CDK14: variants seen among roughly 807,000 people sequenced by gnomAD.
The protein encoded by CDK14 is cyclin dependent kinase 14.
In CDK14, 34 loss-of-function variants were observed where a neutral mutation model predicts 60.7. That is an observed-to-expected ratio of 0.56 (90% CI 0.43 to 0.75). The LOEUF is 0.75. Among genes scored for constraint, CDK14 ranks in the 30% least tolerant of loss-of-function variants. CDK14 has a pLI of 0.00. For synonymous variants in CDK14, 197 were observed against 203.7 expected (o/e 0.97, Z 0.28); for missense variants, 482 against 564.1 (o/e 0.85, Z 1.47).
intron 14 of CDK14, among the ~76,000 whole-genome samples, chr7:91,160,465 T>G (rs1369260522): frequency 6.6e-6 from 1 of 152,146 alleles, no homozygotes; most frequent in Non-Finnish European, 1.5e-5. Flanking sequence ...AATCACCATC[T>G]GGATAATATA....
chr7:90,606,485 G>A (rs10245350), intron 2 of CDK14, among the ~76,000 whole-genome samples: 144,062 of 152,208 alleles, frequency 0.95, 68,213 homozygotes, highest in East Asian at 1. Context: ...CATCATCATC[G>A]TCATTGATGC....
chr7:90,757,287 CAGGACATG>C (rs1368056392), intron 4 of CDK14, among the ~76,000 whole-genome samples: 15 of 146,228 alleles, frequency 1.0e-4, no homozygotes, highest in Non-Finnish European at 1.5e-5. Context: ...CCCTTTCTGT[CAGGACATG>C]AGTTATATTT....
At chr7:90,641,569 A>C (rs1220136288) in intron 2 of CDK14, among the ~76,000 whole-genome samples, 2 of 152,026 alleles carry the variant, frequency 1.3e-5, no homozygotes, top group Non-Finnish European at 2.9e-5. Context: ...TGTCCAAAAT[A>C]GGTAAATCTA....
intron 14 of CDK14, among the ~76,000 whole-genome samples, chr7:91,170,392 G>A (rs747660375): frequency 2.6e-5 from 4 of 152,168 alleles, no homozygotes; most frequent in Non-Finnish European, 5.9e-5. Flanking sequence ...TCCACCAAGT[G>A]TGTCCGAATC....
intron 14 of CDK14, among the ~76,000 whole-genome samples, chr7:91,142,316 T>C (rs1800493717): frequency 6.6e-6 from 1 of 152,212 alleles, no homozygotes; most frequent in Non-Finnish European, 1.5e-5. Flanking sequence ...TAGCAAAGGC[T>C]GTGACCTGAA....
chr7:90,833,159 A>T (rs1789969778), intron 5 of CDK14, among the ~76,000 whole-genome samples: 1 of 152,170 alleles, frequency 6.6e-6, no homozygotes, highest in South Asian at 2.1e-4. Flanking sequence ...TTTAAATCTC[A>T]TTCATGTTCT....
intron 6 of CDK14, among the ~76,000 whole-genome samples, chr7:90,872,638 T>G (rs972097361): frequency 6.6e-6 from 1 of 152,144 alleles, no homozygotes; most frequent in Non-Finnish European, 1.5e-5. Flanking sequence ...CACTATCATG[T>G]TGGGTACTGA....
chr7:90,609,862 A>G (rs1412289795), intron 2 of CDK14, among the ~76,000 whole-genome samples: 1 of 152,224 alleles, frequency 6.6e-6, no homozygotes, highest in Non-Finnish European at 1.5e-5. Flanking sequence ...GACTATCACC[A>G]TTAAGGGCTG....
chr7:91,197,533 T>A (rs1345977630), intron 14 of CDK14, among the ~76,000 whole-genome samples: 1 of 152,190 alleles, frequency 6.6e-6, no homozygotes, highest in Non-Finnish European at 1.5e-5. Context: ...ATGTACCTCC[T>A]ATTGCAGATA....
At chr7:91,141,835 CT>C (rs943357378) in intron 14 of CDK14, among the ~76,000 whole-genome samples, 1 of 148,846 alleles carries the variant, frequency 6.7e-6, no homozygotes, top group Non-Finnish European at 1.5e-5. Context: ...TGCTGTTGTT[CT>C]TTTTTTTGAG....
At chr7:90,806,448 G>A (rs2117022110) in intron 5 of CDK14, among the ~76,000 whole-genome samples, 1 of 152,212 alleles carries the variant, frequency 6.6e-6, no homozygotes, top group South Asian at 2.1e-4. Flanking sequence ...TTTAAATGGG[G>A]AATTTATTTG....
At chr7:90,958,904 C>T (rs931270961) in intron 9 of CDK14, among the ~76,000 whole-genome samples, 13 of 152,116 alleles carry the variant, frequency 8.5e-5, no homozygotes, top group Non-Finnish European at 1.5e-4. Context: ...ACATTTTTTA[C>T]ATACTAGTGG....
chr7:90,983,838 G>A (rs1197431818), intron 9 of CDK14, among the ~76,000 whole-genome samples: 1 of 152,172 alleles, frequency 6.6e-6, no homozygotes, highest in East Asian at 1.9e-4. Flanking sequence ...AACATAAAAA[G>A]CAACAATAGA....
At chr7:90,748,455 C>G (rs941129854) in intron 4 of CDK14, among the ~76,000 whole-genome samples, 1 of 152,206 alleles carries the variant, frequency 6.6e-6, no homozygotes, top group African/African-American at 2.4e-5. Flanking sequence ...TTGTAGATAA[C>G]TTAATGCAAT....
intron 10 of CDK14, among the ~76,000 whole-genome samples, chr7:91,015,650 C>T (rs1261914677): frequency 6.6e-6 from 1 of 150,832 alleles, no homozygotes; most frequent in Non-Finnish European, 1.5e-5. Context: ...GCTTCAGCCT[C>T]CCGAGTAACT....
intron 2 of CDK14, chr7:90,709,968 G>T: frequency 9.5e-7 from 1 of 1,057,338 alleles, no homozygotes; most frequent in Non-Finnish European, 1.2e-6. Context: ...GTAAGACAGA[G>T]CATGCTTAAA....
In CDK14 at chr7:91,047,941, A is replaced by G. The variant is rs146696715; in HGVS notation, c.1105+1981A>G. Among the ~76,000 whole-genome samples, 5 of 152,286 alleles carry G rather than the reference A, an allele frequency of 3.3e-5. No individual in the cohort carries two copies. In the East Asian group the frequency reaches 9.7e-4, roughly 29 times the overall value. On this transcript the variant is annotated intron_variant, in intron 11 of 14. Transcript: ENST00000380050. The stretch of plus-strand genomic sequence containing the variant: ...CCTGGGGAAGAAAATATACAAGCCC[A>G]AAAAGGAAAATATCAGTGCTAGGGT...
intron 2 of CDK14, among the ~76,000 whole-genome samples, chr7:90,606,288 A>G (rs973567863): frequency 3.3e-5 from 5 of 152,076 alleles, no homozygotes; most frequent in African/African-American, 1.2e-4. Flanking sequence ...CAATTCAACT[A>G]CCCTCTGTTT....
chr7:90,865,854 A>G (rs1049000620), intron 6 of CDK14, among the ~76,000 whole-genome samples: 1 of 152,174 alleles, frequency 6.6e-6, no homozygotes, highest in African/African-American at 2.4e-5. Context: ...GGTTAGGGAG[A>G]TGAAGCAGTT....
Sources: allele counts gnomAD v4.1 joint callset (sites outside exome capture counted in the v4.1 genomes callset), GRCh38; gene constraint gnomAD v4.1.1; transcripts MANE v1.5; gene names NCBI Gene and HGNC (gene_info 2026-07-23, HGNC 2026-07-21).